TYR: variants seen among roughly 807,000 people sequenced by gnomAD.
The protein encoded by TYR is LB24-AB.
In TYR, 58 loss-of-function variants were observed where a neutral mutation model predicts 51.5. That is an observed-to-expected ratio of 1.13 (90% confidence interval 0.91 to 1.40). The LOEUF is 1.40. Ranked by LOEUF, TYR falls within the 40% of genes most tolerant of loss-of-function variation. The pLI is 0.00. For synonymous variants in TYR, 263 were observed against 235.2 expected, an observed-to-expected ratio of 1.12 and a Z score of -1.08; for missense variants, 732 against 647.4, an observed-to-expected ratio of 1.13 and a Z score of -1.42.
At chr11:89,290,323 T>C (rs1445002243) in intron 4 of TYR, among the ~76,000 whole-genome samples, 5 of 151,874 alleles carry the variant, frequency 3.3e-5, no homozygotes, top group Non-Finnish European at 5.9e-5. Context: ...ACAGTAAAAA[T>C]TGAGACCACT....
rs532049614 is a variant in TYR, at chr11:89,287,453, C to T, written c.1366+2499C>T. ...TTTATTGAATACGTACTTTGAATAA[C>T]ACATTGCCTTAGATACTATGGATAC... On this transcript the variant is annotated intron_variant, in intron 4 of 4. Transcript: ENST00000263321. Among the ~76,000 whole-genome samples the T allele has an allele frequency of 5.3e-5, 8 of 151,806 alleles. No homozygotes were observed. In the East Asian group the frequency reaches 1.6e-3, roughly 30 times the overall value.
intron 1 of TYR, among the ~76,000 whole-genome samples, chr11:89,184,767 A>G (rs1943347608): frequency 6.6e-6 from 1 of 152,178 alleles, no homozygotes; most frequent in South Asian, 2.1e-4. Flanking sequence ...CAGTAAGAAA[A>G]TTAGCCAGAA....
At chr11:89,289,459 G>A (rs1944831859) in intron 4 of TYR, among the ~76,000 whole-genome samples, 1 of 151,932 alleles carries the variant, frequency 6.6e-6, no homozygotes. Context: ...CTTCTGGGGT[G>A]CATTCCCTGA....
chr11:89,225,148 T>A (rs1247169121), intron 2 of TYR, among the ~76,000 whole-genome samples: 1 of 151,920 alleles, frequency 6.6e-6, no homozygotes, highest in African/African-American at 2.4e-5. Flanking sequence ...TTTTCCCTTT[T>A]TAAAATTTAT....
intron 4 of TYR, 130 bp from the exon 5 acceptor site, chr11:89,295,013 C>G: frequency 2.1e-6 from 3 of 1,450,758 alleles, no homozygotes; most frequent in Non-Finnish European, 2.8e-6. Context: ...CAAGCTCTTA[C>G]AGTTAATAAG....
intron 3 of TYR, among the ~76,000 whole-genome samples, chr11:89,239,512 T>C (rs1944163865): frequency 6.6e-6 from 1 of 152,096 alleles, no homozygotes; most frequent in African/African-American, 2.4e-5. Flanking sequence ...AAACCAACTC[T>C]TAGCTTCATT....
intron 2 of TYR, among the ~76,000 whole-genome samples, chr11:89,226,619 A>C (rs1364411238): frequency 2.6e-5 from 4 of 152,116 alleles, no homozygotes; most frequent in African/African-American, 9.7e-5. Context: ...CAATAGTGGG[A>C]GAGCACAAGG....
intron 3 of TYR, among the ~76,000 whole-genome samples, chr11:89,250,282 ATGAATATT>A (rs1944315530): frequency 6.6e-6 from 1 of 151,980 alleles, no homozygotes; most frequent in African/African-American, 2.4e-5. Flanking sequence ...ATCCTTAAAA[ATGAATATT>A]AATTATTTCC....
chr11:89,192,632 T>A (rs12420237), intron 2 of TYR, among the ~76,000 whole-genome samples: 1 of 152,084 alleles, frequency 6.6e-6, no homozygotes, highest in African/African-American at 2.4e-5. Flanking sequence ...CCAGAATCAA[T>A]TGAAGCAAGG....
intron 1 of TYR, 38 bp downstream of exon 1, chr11:89,178,810 G>C: frequency 6.2e-7 from 1 of 1,604,640 alleles, no homozygotes; most frequent in Non-Finnish European, 8.5e-7. Flanking sequence ...GAGTAGGGAG[G>C]AACCTTAACA....
chr11:89,220,666 A>C (rs1237131859), intron 2 of TYR, among the ~76,000 whole-genome samples: 1 of 152,122 alleles, frequency 6.6e-6, no homozygotes, highest in Non-Finnish European at 1.5e-5. Flanking sequence ...AGGCAGAAAA[A>C]TCGCTTGAAC....
chr11:89,190,758 T>G (rs1333012636), intron 1 of TYR, among the ~76,000 whole-genome samples: 3 of 152,154 alleles, frequency 2.0e-5, no homozygotes, highest in African/African-American at 4.8e-5. Context: ...GCAAGGTCCA[T>G]TTATGGTAAG....
intron 3 of TYR, among the ~76,000 whole-genome samples, chr11:89,262,846 C>CTA (rs1186728580): frequency 1.2e-4 from 4 of 34,216 alleles, no homozygotes; most frequent in Admixed American, 3.4e-4. Context: ...AGCTACTCAT[C>CTA]CAAAAAAAAA....
chr11:89,211,357 G>C (rs779377796), intron 2 of TYR, among the ~76,000 whole-genome samples: 1 of 152,078 alleles, frequency 6.6e-6, no homozygotes, highest in Admixed American at 6.5e-5. Context: ...AAAAAAGAAG[G>C]CCATTACATA....
At chr11:89,280,840 T>C (rs1160879263) in intron 3 of TYR, among the ~76,000 whole-genome samples, 1 of 151,692 alleles carries the variant, frequency 6.6e-6, no homozygotes, top group Non-Finnish European at 1.5e-5. Context: ...TGCACAATGT[T>C]TAAATGTTTG....
intron 3 of TYR, among the ~76,000 whole-genome samples, chr11:89,240,357 A>G (rs1202552208): frequency 1.3e-5 from 2 of 152,204 alleles, no homozygotes; most frequent in East Asian, 1.9e-4. Context: ...AAATACAAAA[A>G]GTGGAGAAAG....
At chr11:89,242,950 C>A (rs1392426389) in intron 3 of TYR, among the ~76,000 whole-genome samples, 2 of 152,136 alleles carry the variant, frequency 1.3e-5, no homozygotes, top group Admixed American at 6.5e-5. Context: ...AATCATGGAG[C>A]CTCTGCTCTA....
At chr11:89,291,551 A>C (rs1181948480) in intron 4 of TYR, among the ~76,000 whole-genome samples, 1 of 151,922 alleles carries the variant, frequency 6.6e-6, no homozygotes, top group Admixed American at 6.6e-5. Context: ...TGTTAGATTG[A>C]TCACTTGTGC....
chr11:89,202,965 G>A (rs12098971), intron 2 of TYR, among the ~76,000 whole-genome samples: 31,821 of 152,014 alleles, frequency 0.21, 5,016 homozygotes, highest in African/African-American at 0.44. Context: ...GGAGTGGCCT[G>A]TTTTCAATTT....
Sources: allele counts gnomAD v4.1 joint callset (sites outside exome capture counted in the v4.1 genomes callset), GRCh38; gene constraint gnomAD v4.1.1; transcripts MANE v1.5; gene names NCBI Gene and HGNC (gene_info 2026-07-23, HGNC 2026-07-21).